Variants in UNC13C observed in about 807,000 individuals in gnomAD.
UNC13C encodes the protein protein unc-13 homolog C.
Under a neutral mutation model 245.4 loss-of-function variants are expected in UNC13C, and 174 were observed. The ratio of observed to expected loss-of-function variants is 0.71; its 90% CI spans 0.63 to 0.80. The LOEUF (loss-of-function observed/expected upper bound fraction) is 0.80. Among genes scored for constraint, UNC13C ranks in the 30% least tolerant of loss-of-function variants. The pLI is 0.00. For missense variants in UNC13C, 2,829 were observed against 2,602.9 expected (o/e 1.09, Z -1.89); for synonymous variants, 992 against 895.1 (o/e 1.11, Z -1.93).
At chr15:54,157,612 A>G (rs941824029) in intron 4 of UNC13C, among the ~76,000 whole-genome samples, 27 of 152,132 alleles carry the variant, frequency 1.8e-4, no homozygotes, top group African/African-American at 5.3e-4. Context: ...GAGTTTTGAG[A>G]CACTCTAGCT....
In UNC13C at chr15:54,226,473, G is replaced by A. The variant is rs148400070; in HGVS notation, c.3072-8557G>A. Among the ~76,000 whole-genome samples, 282 of 152,266 alleles carry A rather than the reference G, an allele frequency of 1.9e-3. 1 individual carries two copies. The highest frequency in any genetic ancestry group is 6.5e-3 in the African/African-American group (270 of 41,562). ...TGTAGTGTCACAGGGTCCTTGGAGT[G>A]TCAATTTGCTAGCTGGAAACCTCTG... On this transcript the variant is annotated intron_variant, in intron 4 of 32. Transcript: ENST00000260323.
At position 54,068,584 on chromosome 15, in the gene UNC13C, G is replaced by T. The variant is rs547432698; in HGVS notation, c.2983+52698G>T. Among the ~76,000 whole-genome samples the T allele has an allele frequency of 8.6e-4, 131 of 152,206 alleles. 1 individual carries two copies. The highest frequency in any genetic ancestry group is 3.0e-3 in the African/African-American group (125 of 41,530). On this transcript the variant is annotated intron_variant, in intron 2 of 32. Transcript: ENST00000260323. ...GTGTATTTATTATCTGGTAGTTTACGAAAGAAGTCTGCCAAACACTGCTAA... is the reference window on the plus strand; with the variant it reads ...GTGTATTTATTATCTGGTAGTTTACTAAAGAAGTCTGCCAAACACTGCTAA...
chr15:53,987,322 A>T (rs1312619062), intron 1 of UNC13C, among the ~76,000 whole-genome samples: 1 of 152,036 alleles, frequency 6.6e-6, no homozygotes, highest in Non-Finnish European at 1.5e-5. Flanking sequence ...AAAGTAAGTT[A>T]ACCTCCTATA....
chr15:53,893,622 A>C, the UNC13C span, among the ~76,000 whole-genome samples: 7 of 152,266 alleles, frequency 4.6e-5, no homozygotes, highest in South Asian at 1.2e-3. Flanking sequence ...GCCCAGTTTG[A>C]ACTTCCTGGC....
chr15:54,486,250 A>AACACACACACACACACAC (rs59221050), intron 19 of UNC13C, among the ~76,000 whole-genome samples: 1,529 of 132,012 alleles, frequency 0.012, 19 homozygotes, highest in Non-Finnish European at 0.017. Flanking sequence ...GATCTATTAA[A>AACACACACACACACACAC]ACACACACAC....
chr15:54,142,971 A>G, intron 2 of UNC13C, 47 bp from the exon 3 acceptor site: 1 of 1,556,934 alleles, frequency 6.4e-7, no homozygotes, highest in Non-Finnish European at 8.8e-7. Context: ...TTTCTTGAAA[A>G]GTACTCCATC....
intron 19 of UNC13C, among the ~76,000 whole-genome samples, chr15:54,428,588 A>C (rs761046692): frequency 5.1e-4 from 77 of 151,516 alleles, no homozygotes; most frequent in Non-Finnish European, 1.0e-4. Flanking sequence ...CTTAGACTGT[A>C]AGCTCTGTGA....
chr15:54,141,591 A>G (rs1032999651), intron 2 of UNC13C, among the ~76,000 whole-genome samples: 4 of 152,122 alleles, frequency 2.6e-5, no homozygotes, highest in Non-Finnish European at 5.9e-5. Context: ...CCCTATGAAA[A>G]TTAAGATATA....
At chr15:54,055,366 A>G (rs1351941262) in intron 2 of UNC13C, among the ~76,000 whole-genome samples, 2 of 152,178 alleles carry the variant, frequency 1.3e-5, no homozygotes, top group Non-Finnish European at 2.9e-5. Context: ...GTTACATCAG[A>G]CTAATAATTC....
At chr15:54,581,934 C>G (rs771667691) in intron 30 of UNC13C, among the ~76,000 whole-genome samples, 15 of 152,106 alleles carry the variant, frequency 9.9e-5, no homozygotes, top group Non-Finnish European at 1.3e-4. Flanking sequence ...AATGTGGAGG[C>G]TGGTCTTAGT....
chr15:53,839,716 A>C, the UNC13C span, among the ~76,000 whole-genome samples: 1 of 151,022 alleles, frequency 6.6e-6, no homozygotes, highest in South Asian at 2.1e-4. Flanking sequence ...GGTGCTTTCC[A>C]TTTTTTTTCC....
At chr15:54,588,466 G>T (rs977126734) in intron 30 of UNC13C, among the ~76,000 whole-genome samples, 2 of 152,090 alleles carry the variant, frequency 1.3e-5, no homozygotes, top group African/African-American at 2.4e-5. Context: ...AAACCTCCTA[G>T]AACAATGCCT....
At chr15:54,267,615 A>T (rs16974410) in intron 10 of UNC13C, among the ~76,000 whole-genome samples, 5,169 of 152,074 alleles carry the variant, frequency 0.034, 265 homozygotes, top group East Asian at 0.22. Flanking sequence ...TGCTTTTTCA[A>T]TAACAAATCT....
chr15:54,080,543 T>C (rs183989487), intron 2 of UNC13C, among the ~76,000 whole-genome samples: 1 of 152,080 alleles, frequency 6.6e-6, no homozygotes, highest in Non-Finnish European at 1.5e-5. Flanking sequence ...ACTGTTTTAA[T>C]CTTGGGAAGT....
chr15:53,961,508 C>T, the UNC13C span, among the ~76,000 whole-genome samples: 2 of 152,158 alleles, frequency 1.3e-5, no homozygotes, highest in Non-Finnish European at 2.9e-5. Flanking sequence ...TGGTTAAGAG[C>T]GGGCTAGAAT....
intron 19 of UNC13C, among the ~76,000 whole-genome samples, chr15:54,484,272 A>G (rs1424203344): frequency 4.6e-5 from 7 of 152,172 alleles, no homozygotes; most frequent in East Asian, 1.9e-4. Flanking sequence ...TTATAAATCC[A>G]GTTGTTTTGA....
Position 54,013,463 on chromosome 15 carries a change from G to A in UNC13C, c.560G>A (p.Trp187Ter), listed in dbSNP as rs1236230361. The A allele has an allele frequency of 1.2e-6, 2 of 1,613,772 alleles. No individual in the cohort carries two copies. Among genetic ancestry groups the A allele is most frequent in the Non-Finnish European group, 1.7e-6 (2 of 1,179,842 alleles). The part of the protein sequence containing the change: ...KLGALRKLRK[W>*]KKSQECVSSD... ...GGAGCTTTACGAAAACTGAGAAAAT[G>A]GAAAAAGAGTCAAGAATGTGTCTCC... Residue 187 changes from tryptophan to a stop codon, truncating the protein, a stop_gained, in exon 2 of 33, where the codon TGG (tryptophan) becomes TAG (stop). Transcript: ENST00000260323. LOFTEE classifies it high-confidence loss of function.
At chr15:54,446,675 T>C (rs1402121987) in intron 19 of UNC13C, among the ~76,000 whole-genome samples, 14 of 152,212 alleles carry the variant, frequency 9.2e-5, no homozygotes, top group Non-Finnish European at 1.3e-4. Context: ...GCTTATCAGC[T>C]TAAGGAGATT....
intron 2 of UNC13C, among the ~76,000 whole-genome samples, chr15:54,118,523 G>A (rs779750122): frequency 2.2e-4 from 33 of 151,970 alleles, no homozygotes; most frequent in Non-Finnish European, 3.1e-4. Context: ...TACTGAATTC[G>A]TTTATCCCTT....
Sources: gnomAD v4.1 joint callset for allele counts (sites outside exome capture counted in the v4.1 genomes callset) on GRCh38, gnomAD v4.1.1 for gene constraint, MANE v1.5 for transcripts, NCBI Gene and HGNC (gene_info 2026-07-23, HGNC 2026-07-21) for gene names.